RNFT2: variants seen among roughly 807,000 people sequenced by gnomAD.
The protein encoded by RNFT2 is ring finger protein, transmembrane 2, also known as E3 ubiquitin-protein ligase RNFT2.
A neutral mutation model predicts 53.0 loss-of-function variants in RNFT2; 36 were observed. The ratio of observed to expected loss-of-function variants is 0.68; its 90% CI spans 0.52 to 0.90. RNFT2 has a LOEUF of 0.90. RNFT2 is among the 40% of genes least tolerant of loss of function. RNFT2 has a pLI of 0.00. For synonymous variants in RNFT2, 260 were observed against 253.2 expected, an observed-to-expected ratio of 1.03 and a Z score of -0.26; for missense variants, 514 against 585.6, an observed-to-expected ratio of 0.88 and a Z score of 1.26.
At chr12:116,832,142 AAAAAAAATATATATAT>A (rs886211701) in intron 7 of RNFT2, among the ~76,000 whole-genome samples, 4 of 61,770 alleles carry the variant, frequency 6.5e-5, no homozygotes, top group African/African-American at 1.7e-4. Flanking sequence ...AAAAAAAAAA[AAAAAAAATATATATAT>A]ATATATATAT....
chr12:116,813,642 C>G (rs1010780591), intron 7 of RNFT2, among the ~76,000 whole-genome samples: 2 of 152,230 alleles, frequency 1.3e-5, no homozygotes, highest in Admixed American at 1.3e-4. Context: ...GAGATCAAGT[C>G]TCTTGTATAT....
chr12:116,829,464 C>A (rs1228946071), intron 7 of RNFT2, among the ~76,000 whole-genome samples: 1 of 152,116 alleles, frequency 6.6e-6, no homozygotes, highest in East Asian at 1.9e-4. Flanking sequence ...AATGGCCTCA[C>A]AACTGGAGGT....
intron 6 of RNFT2, among the ~76,000 whole-genome samples, chr12:116,776,855 G>A (rs1464514565): frequency 2.6e-5 from 4 of 151,686 alleles, no homozygotes; most frequent in African/African-American, 7.3e-5. Context: ...CATTCAACCC[G>A]AGATGCTGCA....
chr12:116,773,541 G>A (rs1186174847), intron 6 of RNFT2, among the ~76,000 whole-genome samples: 3 of 152,198 alleles, frequency 2.0e-5, no homozygotes, highest in Admixed American at 6.5e-5. Context: ...AAGACAGAGC[G>A]CTTCTGGTTG....
chr12:116,850,613 T>TTATTTTA lies in RNFT2; in HGVS notation c.*1166_*1167insATTTTAT, dbSNP rs528841768. The TTATTTTA allele has an allele frequency of 2.4e-4, 1 of 4,134 alleles. No individual in the cohort carries two copies. The highest frequency in any genetic ancestry group is 8.4e-4 in the Non-Finnish European group (1 of 1,190). 0.3% of individuals were successfully genotyped at this position (4,134 alleles called of 1,614,324 possible). A position where few individuals can be genotyped will look rare whatever the true frequency, so the allele number is the denominator to read the frequency against. The stretch of plus-strand genomic sequence containing the variant: ...TGAGCCCTGTGAAGTATTTTTTCTT[T>TTATTTTA]TCTTTTCTTTTTTTTTTTTTTTTTG... On this transcript the variant is annotated 3_prime_UTR_variant, in exon 11 of 11. Coordinates refer to ENST00000257575, the MANE Select transcript of RNFT2 (RefSeq NM_001382266.1).
chr12:116,835,882 G>A (rs1876933725), intron 8 of RNFT2, 78 bp from the exon 9 acceptor site: 16 of 1,496,958 alleles, frequency 1.1e-5, no homozygotes, highest in Non-Finnish European at 1.4e-5. Context: ...GAGGGTCAGA[G>A]GATGGGGTGG....
intron 7 of RNFT2, among the ~76,000 whole-genome samples, chr12:116,794,134 A>G (rs993806746): frequency 2.0e-5 from 3 of 152,082 alleles, no homozygotes; most frequent in Non-Finnish European, 4.4e-5. Flanking sequence ...GCATAGTGTC[A>G]TGCACCTGCA....
intron 7 of RNFT2, among the ~76,000 whole-genome samples, chr12:116,793,890 C>T (rs1874363437): frequency 1.3e-5 from 2 of 152,070 alleles, no homozygotes; most frequent in Non-Finnish European, 2.9e-5. Context: ...ATTTTCTGTC[C>T]TTCCCCACTA....
chr12:116,782,201 A>G (rs1341007849), intron 7 of RNFT2: 3 of 151,540 alleles, frequency 2.0e-5, no homozygotes, highest in Non-Finnish European at 2.9e-5. Flanking sequence ...GAAGCATTCT[A>G]TATTTTTTTT....
intron 6 of RNFT2, 126 bp downstream of exon 6, chr12:116,767,040 C>T (rs1872947329): frequency 1.6e-6 from 1 of 627,692 alleles, no homozygotes. Context: ...AAATTCCACC[C>T]TGCTGTTACT....
At chr12:116,804,790 A>T (rs1168612977) in intron 7 of RNFT2, among the ~76,000 whole-genome samples, 1 of 152,138 alleles carries the variant, frequency 6.6e-6, no homozygotes, top group Non-Finnish European at 1.5e-5. Context: ...AACACGACAA[A>T]ACCTTGTCTC....
chr12:116,837,382 T>G (rs1877032193), intron 10 of RNFT2, among the ~76,000 whole-genome samples: 1 of 151,872 alleles, frequency 6.6e-6, no homozygotes, highest in South Asian at 2.1e-4. Context: ...ATGCAGTGTC[T>G]CGGGGGACTG....
intron 7 of RNFT2, among the ~76,000 whole-genome samples, chr12:116,786,122 C>CTT (rs1190827408): frequency 4.3e-4 from 59 of 135,734 alleles, no homozygotes; most frequent in African/African-American, 1.4e-3. Context: ...TCAGGTAGTT[C>CTT]TTTTTTTTTT....
Position 116,740,474 on chromosome 12 carries a change from C to A in RNFT2, c.-24C>A. ...ATTCCCGAATGCCTACCTCCAGTGT[C>A]GTCAACATGGAGTTCTGAAGTCCAT... On this transcript the variant is annotated 5_prime_UTR_variant, in exon 2 of 11. Transcript: ENST00000257575. 1 of 1,568,290 alleles carries A rather than the reference C, an allele frequency of 6.4e-7. No individual in the cohort carries two copies. The highest frequency in any genetic ancestry group is 8.7e-7 in the Non-Finnish European group (1 of 1,155,166).
intron 3 of RNFT2, among the ~76,000 whole-genome samples, chr12:116,748,357 C>T (rs559987745): frequency 1.9e-4 from 29 of 152,344 alleles, no homozygotes; most frequent in African/African-American, 7.0e-4. Context: ...CTACAGAATC[C>T]TTTGCCTGAT....
At chr12:116,831,690 C>A (rs1429055016) in intron 7 of RNFT2, among the ~76,000 whole-genome samples, 1 of 151,990 alleles carries the variant, frequency 6.6e-6, no homozygotes. Context: ...ATGCTTGGGG[C>A]AGTGTTGTTT....
At chr12:116,740,950 AG>A in intron 2 of RNFT2, 85 bp from the exon 3 acceptor site, 1 of 1,126,716 alleles carries the variant, frequency 8.9e-7, no homozygotes, top group African/African-American at 1.5e-5. Context: ...CGACTAGTGC[AG>A]GTTTGCAGTT....
intron 7 of RNFT2, among the ~76,000 whole-genome samples, chr12:116,798,186 A>T (rs1874597097): frequency 6.6e-6 from 1 of 151,916 alleles, no homozygotes; most frequent in Non-Finnish European, 1.5e-5. Flanking sequence ...CTACAAGCCA[A>T]GGAGAGAGAG....
At chr12:116,740,307 C>T (rs2172953) in intron 1 of RNFT2, 38 bp from the exon 2 acceptor site, 27,451 of 592,262 alleles carry the variant, frequency 0.046, 726 homozygotes, top group Non-Finnish European at 0.052. Flanking sequence ...TTCAAGGTAT[C>T]GCAGGGACTG....
Sources: allele counts gnomAD v4.1 joint callset (sites outside exome capture counted in the v4.1 genomes callset), GRCh38; gene constraint gnomAD v4.1.1; transcripts MANE v1.5; gene names NCBI Gene and HGNC (gene_info 2026-07-23, HGNC 2026-07-21).